The following NPC1 variants were observed in gnomAD, a reference collection of about 807,000 sequenced individuals.
The protein encoded by NPC1 is Niemann-Pick C1 protein.
Under a neutral mutation model 140.4 loss-of-function variants are expected in NPC1, and 85 were observed. The ratio of observed to expected loss-of-function variants is 0.61; its 90% CI spans 0.51 to 0.72. NPC1 has a LOEUF of 0.72. NPC1 is among the 30% of genes least tolerant of loss of function. The probability of loss-of-function intolerance (pLI) is 0.00; values close to 1 mark genes in which losing one functional copy is unlikely to be tolerated. For synonymous variants in NPC1, 656 were observed against 624.8 expected (o/e 1.05, Z -0.74); for missense variants, 1,504 against 1,623.8 (o/e 0.93, Z 1.27).
chr18:23,562,928 T>A (rs964004835), intron 4 of NPC1, among the ~76,000 whole-genome samples: 7 of 152,226 alleles, frequency 4.6e-5, no homozygotes, highest in African/African-American at 1.7e-4. Context: ...CTATATAATT[T>A]AATGGAGTTT....
At chr18:23,517,236 G>A (rs556576275) in intron 3 of NPC1, among the ~76,000 whole-genome samples, 64 of 151,348 alleles carry the variant, frequency 4.2e-4, no homozygotes, top group East Asian at 5.9e-4. Flanking sequence ...TGCAACCTCC[G>A]CCTCCCAGGT....
intron 1 of NPC1, among the ~76,000 whole-genome samples, chr18:23,575,599 G>A (rs977568125): frequency 4.6e-5 from 7 of 152,028 alleles, no homozygotes; most frequent in East Asian, 1.9e-4. Flanking sequence ...AGAGCACCAC[G>A]CAATCAAATA....
chr18:23,518,009 T>G (rs983565905), downstream of NPC1, among the ~76,000 whole-genome samples: 4 of 152,330 alleles, frequency 2.6e-5, no homozygotes, highest in Middle Eastern at 3.4e-3. Context: ...TGAGCCGCCG[T>G]GCCCAGCCAG....
intron 3 of NPC1, among the ~76,000 whole-genome samples, chr18:23,512,292 A>C (rs973066860): frequency 1.3e-5 from 2 of 152,150 alleles, no homozygotes; most frequent in Admixed American, 1.3e-4. Flanking sequence ...AAGTGCTGGG[A>C]TTACAGGCGT....
At chr18:23,548,293 A>AT (rs1296453059) in intron 10 of NPC1, among the ~76,000 whole-genome samples, 185 bp from the exon 11 acceptor site, 3 of 150,110 alleles carry the variant, frequency 2.0e-5, no homozygotes, top group African/African-American at 7.4e-5. Flanking sequence ...AATAAAAAGG[A>AT]TTTTTTATCT....
intron 3 of NPC1, among the ~76,000 whole-genome samples, chr18:23,507,567 C>T (rs891389): frequency 0.27 from 41,003 of 151,950 alleles, 6,270 homozygotes; most frequent in Middle Eastern, 0.35. Flanking sequence ...CACTTTAGCC[C>T]GTGTAAATGT....
intron 14 of NPC1, 59 bp from the exon 15 acceptor site, chr18:23,541,492 G>A: frequency 6.2e-7 from 1 of 1,610,874 alleles, no homozygotes; most frequent in Non-Finnish European, 8.5e-7. Context: ...CTCTCTGCAG[G>A]TCTTATGTTC....
intron 11 of NPC1, among the ~76,000 whole-genome samples, chr18:23,547,062 C>G (rs2058800332): frequency 6.6e-6 from 1 of 152,144 alleles, no homozygotes. Context: ...AAGTGAGCCT[C>G]TCGTCTGGGC....
In NPC1 at chr18:23,586,295, G is replaced by C; in HGVS notation, c.49C>G (p.Pro17Ala). ...GGCCGGCGACCGCTCACCTGCGCTG[G>C]ACACAGTAGCAGCAGGAGGAGGCCA... ...ALGLLLLLLC[P>A]AQVFSQSCVW... The change falls in exon 1 of 25, where the codon CCA (proline) becomes GCA (alanine). Residue 17 changes from proline (P) to alanine (A), a missense_variant. By Grantham distance (27) the Pro-to-Ala change is conservative. Transcript: ENST00000269228. 6.5e-7 allele frequency: 1 copy of C among 1,533,838 alleles called. No homozygotes were observed. The highest frequency in any genetic ancestry group is 8.7e-7 in the Non-Finnish European group (1 of 1,146,230).
rs2059254407 is a variant in NPC1 at position 23,575,021 on chromosome 18, G to A, written c.58-1447C>T. Among the ~76,000 whole-genome samples the A allele has an allele frequency of 2.6e-5, 4 of 152,362 alleles. No individual in the cohort carries two copies. In the South Asian group the frequency reaches 8.3e-4, roughly 32 times the overall value. ...GACTACAGAGGCAGAGGAAACTGCT[G>A]AAGTTCACATGAAATTTTAAATACA... On this transcript the variant is annotated intron_variant, in intron 1 of 24. Transcript: ENST00000269228.
intron 3 of NPC1, among the ~76,000 whole-genome samples, chr18:23,512,035 TTC>T (rs2057872894): frequency 6.6e-6 from 1 of 150,970 alleles, no homozygotes; most frequent in Non-Finnish European, 1.5e-5. Flanking sequence ...TTTTTTTTTT[TTC>T]TGAGACAGAG....
Position 23,543,470 on chromosome 18 carries a change from C to G in NPC1, c.2230G>C (p.Val744Leu), listed in dbSNP as rs1270024501. Reference sequence around the variant, plus strand: ...GCATAATTACCTAAGAAAAATGCTACAGTCTCAGAAAAGGATGACAGGAAC... The same window carrying G: ...GCATAATTACCTAAGAAAAATGCTAGAGTCTCAGAAAAGGATGACAGGAAC... The part of the protein sequence containing the change: ...SMFLSSFSET[V>L]AFFLGALSVM... The change falls in exon 14 of 25, where the codon GTA (valine) becomes CTA (leucine). Residue 744 changes from valine (V) to leucine (L), a missense_variant. Val to Leu is a conservative substitution (Grantham distance 32). Coordinates refer to ENST00000269228, the MANE Select transcript of NPC1 (RefSeq NM_000271.5). The G allele has an allele frequency of 6.2e-7, 1 of 1,601,734 alleles. No individual in the cohort carries two copies. The highest frequency in any genetic ancestry group is 1.1e-5 in the South Asian group (1 of 90,814).
chr18:23,514,724 C>T (rs2057954545), intron 3 of NPC1, among the ~76,000 whole-genome samples: 1 of 152,128 alleles, frequency 6.6e-6, no homozygotes, highest in Non-Finnish European at 1.5e-5. Flanking sequence ...TCTTTCTGTT[C>T]TCTGCAGTGG....
intron 6 of NPC1, among the ~76,000 whole-genome samples, chr18:23,558,062 C>T (rs1051183814): frequency 2.6e-5 from 4 of 152,068 alleles, no homozygotes; most frequent in Non-Finnish European, 5.9e-5. Flanking sequence ...GAAGGGATAG[C>T]TTTCTGTACA....
chr18:23,509,466 C>A (rs942712749), intron 3 of NPC1: 5 of 277,776 alleles, frequency 1.8e-5, no homozygotes, highest in Non-Finnish European at 2.6e-5. Flanking sequence ...AACTCCTGGG[C>A]TCAAGCAATC....
chr18:23,570,897 G>T (rs2059192545), intron 3 of NPC1, among the ~76,000 whole-genome samples: 1 of 152,184 alleles, frequency 6.6e-6, no homozygotes, highest in Non-Finnish European at 1.5e-5. Flanking sequence ...CTCTACTGAG[G>T]ACCTGACTCT....
At position 23,552,364 on chromosome 18, in the gene NPC1, C is replaced by T. The variant is rs370997023; in HGVS notation, c.1554-637G>A. On this transcript the variant is annotated intron_variant, in intron 9 of 24. Transcript: ENST00000269228. ...CATGGGGTGCCCACCAAGGGGGCTCCTGAAGGAGGGGGCCAGTCTGGGAAG... is the reference window on the plus strand; with the variant it reads ...CATGGGGTGCCCACCAAGGGGGCTCTTGAAGGAGGGGGCCAGTCTGGGAAG... Among the ~76,000 whole-genome samples, 52 of 152,306 alleles carry T rather than the reference C, an allele frequency of 3.4e-4. 1 individual carries two copies. In the South Asian group the frequency reaches 9.3e-3, roughly 27 times the overall value.
At chr18:23,529,447 G>C, downstream of NPC1, 1 of 1,347,498 alleles carries the variant, frequency 7.4e-7, no homozygotes, top group Non-Finnish European at 1.0e-6. Flanking sequence ...CTGGTAGTTT[G>C]GCTTCTAATG....
chr18:23,569,068 A>G (rs2059166337), intron 3 of NPC1, 70 bp from the exon 4 acceptor site: 1 of 1,067,770 alleles, frequency 9.4e-7, no homozygotes, highest in African/African-American at 1.6e-5. Context: ...GATTTTAAAT[A>G]GACAAAGAAT....
Sources: gnomAD v4.1 joint callset for allele counts (sites outside exome capture counted in the v4.1 genomes callset) on GRCh38, gnomAD v4.1.1 for gene constraint, MANE v1.5 for transcripts, NCBI Gene and HGNC (gene_info 2026-07-23, HGNC 2026-07-21) for gene names.